Variants in SLC12A4 observed in about 807,000 individuals in gnomAD.
SLC12A4 encodes solute carrier family 12 member 4.
Under a neutral mutation model 119.2 loss-of-function variants are expected in SLC12A4, and 84 were observed. The observed-to-expected ratio is 0.70, with a 90% CI of 0.59 to 0.85. The LOEUF (loss-of-function observed/expected upper bound fraction) is 0.85. Among genes scored for constraint, SLC12A4 ranks in the 40% least tolerant of loss-of-function variants. The pLI is 0.00. For synonymous variants in SLC12A4, 599 were observed against 604.6 expected (o/e 0.99, Z 0.14); for missense variants, 1,298 against 1,476.3 (o/e 0.88, Z 1.98).
At position 67,949,676 on chromosome 16, in the gene SLC12A4, A is replaced by C. The variant is rs1307002956; in HGVS notation, c.1748+124T>G. On this transcript the variant is annotated intron_variant, in intron 13 of 23. Transcript: ENST00000316341. This position sits in a 1 kb window ranked among gnomAD's most constrained non-coding sequence, Gnocchi z 4.6. ...GGGGTGGGCTGAGCCCTGTCAGGCC[A>C]CATCTCCCCATGCAGCCTGCCACAT... The C allele has an allele frequency of 3.0e-6, 2 of 658,736 alleles. No individual in the cohort carries two copies. Among genetic ancestry groups the C allele is most frequent in the Non-Finnish European group, 5.1e-6 (2 of 388,730 alleles). The allele number at this position is 658,736 out of a possible 1,614,324, so 40.8% of individuals were successfully genotyped here.
chr16:67,960,781 A>C (rs2030521141), intron 3 of SLC12A4, among the ~76,000 whole-genome samples: 1 of 151,808 alleles, frequency 6.6e-6, no homozygotes, highest in Admixed American at 6.6e-5. Context: ...CAAAGAGGTA[A>C]CAGTCACCCC....
At chr16:67,966,631 G>A (rs985587720) in intron 1 of SLC12A4, 5 of 1,300,520 alleles carry the variant, frequency 3.8e-6, no homozygotes, top group South Asian at 1.4e-5. Flanking sequence ...AGCCCATCTA[G>A]GCCTCCCAGA....
chr16:67,954,524 C>T, intron 6 of SLC12A4, 119 bp downstream of exon 6: 1 of 1,282,126 alleles, frequency 7.8e-7, no homozygotes, highest in Non-Finnish European at 1.1e-6. Context: ...AGGCTTCCTA[C>T]TTTATAATAC....
In SLC12A4 at chr16:67,943,844, G is replaced by A. The variant is rs1248875415; in HGVS notation, c.*996C>T. On this transcript the variant is annotated 3_prime_UTR_variant, in exon 24 of 24. Transcript: ENST00000316341. This position sits in a 1 kb window ranked among gnomAD's most constrained non-coding sequence, Gnocchi z 4.6. Reference sequence around the variant, plus strand: ...CACCAGGGCAGGTACTTATGTCGGGGCTTATGCAGGGCAGAAGGGCTTTGG... The same window carrying A: ...CACCAGGGCAGGTACTTATGTCGGGACTTATGCAGGGCAGAAGGGCTTTGG... The A allele has an allele frequency of 1.8e-6, 2 of 1,123,634 alleles. No individual in the cohort carries two copies. The highest frequency in any genetic ancestry group is 1.3e-6 in the Non-Finnish European group (1 of 799,146). The allele number at this position is 1,123,634 out of a possible 1,614,324, so 69.6% of individuals were successfully genotyped here.
rs1026691524 is a variant in SLC12A4 at position 67,950,009 on chromosome 16, C to A, written c.1630-91G>T. On this transcript the variant is annotated intron_variant, in intron 12 of 23. Coordinates refer to ENST00000316341, the MANE Select transcript of SLC12A4 (RefSeq NM_005072.5). The surrounding 1 kb of genome is among the most constrained non-coding windows in gnomAD (Gnocchi z 4.3). ...AGCCTGGCCTCCCTCACCCCCAGGG[C>A]CCGCCTTGGGGGCTCAGGCCGCCCC... is the stretch of plus-strand genomic sequence containing the variant. 16 of 1,056,602 alleles carry A rather than the reference C, an allele frequency of 1.5e-5. No homozygotes were observed. The highest frequency in any genetic ancestry group is 2.0e-5 in the Non-Finnish European group (14 of 694,468). The allele number at this position is 1,056,602 out of a possible 1,614,324, so 65.5% of individuals were successfully genotyped here.
chr16:67,950,555 G>C lies in SLC12A4; in HGVS notation c.1455-62C>G. The C allele has an allele frequency of 6.2e-7, 1 of 1,610,282 alleles. No homozygotes were observed. Among genetic ancestry groups the C allele is most frequent in the South Asian group, 1.1e-5 (1 of 90,828 alleles). On this transcript the variant is annotated intron_variant, in intron 11 of 23. Transcript: ENST00000316341. The surrounding 1 kb of genome is among the most constrained non-coding windows in gnomAD (Gnocchi z 4.3). ...CGGAAGGATGGCACAGACCACCAAA[G>C]GCAGCCAGCAGGCTTAGGACCACCC...
In SLC12A4 at chr16:67,944,828, A is replaced by T. The variant is rs781377284; in HGVS notation, c.*12T>A. 4 of 1,612,388 alleles carry T rather than the reference A, an allele frequency of 2.5e-6. No individual in the cohort carries two copies. Among genetic ancestry groups the T allele is most frequent in the Non-Finnish European group, 3.4e-6 (4 of 1,179,854 alleles). On this transcript the variant is annotated 3_prime_UTR_variant, in exon 24 of 24. Transcript: ENST00000316341. The surrounding 1 kb of genome is among the most constrained non-coding windows in gnomAD (Gnocchi z 6.6). Reference sequence around the variant, plus strand: ...CAAGACCTCGACTCCAGGCCACAAGATGACACTGGGCTCAGGAGTAGATGG... The same window carrying T: ...CAAGACCTCGACTCCAGGCCACAAGTTGACACTGGGCTCAGGAGTAGATGG...
At position 67,951,855 on chromosome 16, in the gene SLC12A4, C is replaced by T. The variant is rs752410689; in HGVS notation, c.1100G>A (p.Gly367Asp). ...FMLNNVTEIP[G>D]IPGAAAGVLQ... ...CACACCAGCAGCTGCCCCGGGGATGCCAGGGATCTCGGTCACATTGTTGAG... is the reference window on the plus strand; with the variant it reads ...CACACCAGCAGCTGCCCCGGGGATGTCAGGGATCTCGGTCACATTGTTGAG... Residue 367 changes from glycine to aspartate, a missense_variant, in exon 8 of 24, where the codon GGC becomes GAC. Coordinates refer to ENST00000316341, the MANE Select transcript of SLC12A4 (RefSeq NM_005072.5). The surrounding 1 kb of genome is among the most constrained non-coding windows in gnomAD (Gnocchi z 5.2). 2 of 1,613,604 alleles carry T rather than the reference C, an allele frequency of 1.2e-6. No individual in the cohort carries two copies. Among genetic ancestry groups the T allele is most frequent in the Non-Finnish European group, 8.5e-7 (1 of 1,179,946 alleles).
At position 67,946,331 on chromosome 16, in the gene SLC12A4, C is replaced by T. The variant is rs778427270; in HGVS notation, c.2447G>A (p.Arg816His). 7 of 1,609,710 alleles carry T rather than the reference C, an allele frequency of 4.3e-6. No homozygotes were observed. Among genetic ancestry groups the T allele is most frequent in the East Asian group, 2.2e-5 (1 of 44,888 alleles). Reference protein sequence around the residue: ...RAWKTFIDTVRCTTAAHLALL... With the variant: ...RAWKTFIDTVHCTTAAHLALL... Reference sequence around the variant, plus strand: ...GGCCAGGTGGGCAGCCGTAGTGCAGCGCACGGTGTCTGGGGAGGAGGAGCA... The same window carrying T: ...GGCCAGGTGGGCAGCCGTAGTGCAGTGCACGGTGTCTGGGGAGGAGGAGCA... The change falls in exon 19 of 24, where the codon CGC becomes CAC. Residue 816 changes from arginine (R) to histidine (H), a missense_variant. Physicochemically the swap from Arg to His is conservative, Grantham distance 29. Coordinates refer to ENST00000316341, the MANE Select transcript of SLC12A4 (RefSeq NM_005072.5).
rs1567414470 is a variant in SLC12A4 at position 67,947,120 on chromosome 16, T to G, written c.2073-15A>C. The G allele has an allele frequency of 1.9e-6, 3 of 1,570,296 alleles. No individual in the cohort carries two copies. The highest frequency in any genetic ancestry group is 2.6e-6 in the Non-Finnish European group (3 of 1,162,302). The stretch of plus-strand genomic sequence containing the variant: ...GCAGCTGCGGCCTGCAGTGGCCGGG[T>G]GGGGGGAGCCTGAGACCAGGGCCGG... On this transcript the variant is annotated splice_polypyrimidine_tract_variant and intron_variant, in intron 16 of 23. Coordinates refer to ENST00000316341, the MANE Select transcript of SLC12A4 (RefSeq NM_005072.5).
rs924368030 is a variant in SLC12A4, at chr16:67,951,388, A to G, written c.1133-84T>C. 3.2e-5 allele frequency: 48 copies of G among 1,493,450 alleles called. No individual in the cohort carries two copies. The Admixed American group carries it at 9.5e-4, about 30-fold the overall frequency. The allele number at this position is 1,493,450 out of a possible 1,614,324, so 92.5% of individuals were successfully genotyped here. A position where few individuals can be genotyped will look rare whatever the true frequency, so the allele number is the denominator to read the frequency against. On this transcript the variant is annotated intron_variant, in intron 8 of 23. Transcript: ENST00000316341. The surrounding 1 kb of genome is among the most constrained non-coding windows in gnomAD (Gnocchi z 5.2). Reference sequence around the variant, plus strand: ...GCAGCCTAGCCAGAGGCGCAGATGCAGGGCAACTTTGGGGACTCAGGGAAC... The same window carrying G: ...GCAGCCTAGCCAGAGGCGCAGATGCGGGGCAACTTTGGGGACTCAGGGAAC...
Position 67,949,450 on chromosome 16 carries a change from C to CAA in SLC12A4, c.1748+348_1748+349dup, listed in dbSNP as rs879789162. On this transcript the variant is annotated intron_variant, in intron 13 of 23. Coordinates refer to ENST00000316341, the MANE Select transcript of SLC12A4 (RefSeq NM_005072.5). The surrounding 1 kb of genome is among the most constrained non-coding windows in gnomAD (Gnocchi z 4.6). The stretch of plus-strand genomic sequence containing the variant: ...TGGGTGAGAGAGTGAGACTCTGTCT[C>CAA]AAAAAAAAAAAACAAAAACCAAAAA... 6.0e-4 allele frequency: 89 copies of CAA among 147,204 alleles called. No homozygotes were observed. The highest frequency in any genetic ancestry group is 5.5e-3 in the Middle Eastern group (2 of 362). 9.1% of individuals were successfully genotyped at this position (147,204 alleles called of 1,614,324 possible).
In SLC12A4 at chr16:67,951,407, A is replaced by T; in HGVS notation, c.1133-103T>A. 7.5e-7 allele frequency: 1 copy of T among 1,324,726 alleles called. No individual in the cohort carries two copies. The highest frequency in any genetic ancestry group is 2.3e-5 in the East Asian group (1 of 42,572). The allele number at this position is 1,324,726 out of a possible 1,614,324, so 82.1% of individuals were successfully genotyped here. On this transcript the variant is annotated intron_variant, in intron 8 of 23. Transcript: ENST00000316341. This position sits in a 1 kb window ranked among gnomAD's most constrained non-coding sequence, Gnocchi z 5.2. Reference sequence around the variant, plus strand: ...AGATGCAGGGCAACTTTGGGGACTCAGGGAACAGCTTCAGCCCAATGACTG... The same window carrying T: ...AGATGCAGGGCAACTTTGGGGACTCTGGGAACAGCTTCAGCCCAATGACTG...
chr16:67,968,071 G>T (rs1418235186), intron 1 of SLC12A4, among the ~76,000 whole-genome samples: 1 of 152,132 alleles, frequency 6.6e-6, no homozygotes, highest in East Asian at 1.9e-4. Flanking sequence ...GGCGAGAAAA[G>T]GATGTGGGAT....
At chr16:67,961,836 G>A in intron 2 of SLC12A4, 130 bp from the exon 3 acceptor site, 1 of 1,244,644 alleles carries the variant, frequency 8.0e-7, no homozygotes, top group Non-Finnish European at 1.1e-6. Flanking sequence ...GTTCCTACCT[G>A]GGGAAGTCCA....
rs1289835168 is a variant in SLC12A4, at chr16:67,950,274, G to A, written c.1629+45C>T. The stretch of plus-strand genomic sequence containing the variant: ...CCTATCTCTCTCCCCAGCCGGGCGA[G>A]GGCCTGGGAGCAGCCAGGCCATGGG... On this transcript the variant is annotated intron_variant, in intron 12 of 23. Transcript: ENST00000316341. The surrounding 1 kb of genome is among the most constrained non-coding windows in gnomAD (Gnocchi z 4.3). The A allele has an allele frequency of 6.3e-7, 1 of 1,589,144 alleles. No homozygotes were observed. The highest frequency in any genetic ancestry group is 1.3e-5 in the African/African-American group (1 of 74,174).
intron 1 of SLC12A4, among the ~76,000 whole-genome samples, chr16:67,968,122 C>G (rs2030941485): frequency 6.6e-6 from 1 of 152,194 alleles, no homozygotes; most frequent in Non-Finnish European, 1.5e-5. Flanking sequence ...GAGATGGGGT[C>G]TCGGCCCTGT....
chr16:67,949,729 G>A lies in SLC12A4; in HGVS notation c.1748+71C>T, dbSNP rs1354383461. 5.7e-6 allele frequency: 6 copies of A among 1,044,804 alleles called. No homozygotes were observed. The highest frequency in any genetic ancestry group is 2.5e-5 in the East Asian group (1 of 40,200). The allele number at this position is 1,044,804 out of a possible 1,614,324, so 64.7% of individuals were successfully genotyped here. On this transcript the variant is annotated intron_variant, in intron 13 of 23. Coordinates refer to ENST00000316341, the MANE Select transcript of SLC12A4 (RefSeq NM_005072.5). The surrounding 1 kb of genome is among the most constrained non-coding windows in gnomAD (Gnocchi z 4.6). ...CCCAGCTGGACCTCCAACACCAGAC[G>A]CAGCCACGGGGAGGTGCTGGGGTTC...
chr16:67,957,586 G>A (rs2030337311), intron 5 of SLC12A4, 156 bp downstream of exon 5: 3 of 746,600 alleles, frequency 4.0e-6, no homozygotes. Context: ...CTGTCAAGCA[G>A]GAAAGCTCCT....
Sources: gnomAD v4.1 joint callset for allele counts (sites outside exome capture counted in the v4.1 genomes callset) on GRCh38, gnomAD v4.1.1 for gene constraint, Gnocchi (gnomAD v3.1) non-coding constraint, MANE v1.5 for transcripts, NCBI Gene and HGNC (gene_info 2026-07-23, HGNC 2026-07-21) for gene names.